ABCG2: variants seen among roughly 807,000 people sequenced by gnomAD.
ABCG2 encodes the protein broad substrate specificity ATP-binding cassette transporter ABCG2.
A neutral mutation model predicts 73.5 loss-of-function variants in ABCG2; 80 were observed. That is an observed-to-expected ratio of 1.09 (90% CI 0.91 to 1.31). The LOEUF is 1.31. Ranked by LOEUF, ABCG2 falls within the 50% of genes most tolerant of loss-of-function variation. The probability of loss-of-function intolerance (pLI) is 0.00; values close to 1 mark genes in which losing one functional copy is unlikely to be tolerated. For synonymous variants in ABCG2, 269 were observed against 282.4 expected, an observed-to-expected ratio of 0.95 and a Z score of 0.48; for missense variants, 796 against 786.2, an observed-to-expected ratio of 1.01 and a Z score of -0.15.
chr4:88,144,348 G>T (rs1322282312), intron 1 of ABCG2, among the ~76,000 whole-genome samples: 1 of 151,732 alleles, frequency 6.6e-6, no homozygotes, highest in Non-Finnish European at 1.5e-5. Context: ...TGCATATGGA[G>T]ATTCTTTCCC....
chr4:88,115,091 T>G, intron 7 of ABCG2, 33 bp from the exon 8 acceptor site: 1 of 1,466,644 alleles, frequency 6.8e-7, no homozygotes, highest in South Asian at 1.2e-5. Context: ...AACACAAACT[T>G]GATGGTCTTG....
At chr4:88,187,353 C>G (rs1334444761) in intron 1 of ABCG2, among the ~76,000 whole-genome samples, 4 of 152,034 alleles carry the variant, frequency 2.6e-5, no homozygotes, top group African/African-American at 9.7e-5. Flanking sequence ...TGGCTCATGC[C>G]TATAATCCCA....
intron 5 of ABCG2, among the ~76,000 whole-genome samples, chr4:88,130,344 C>T (rs140962332): frequency 6.6e-6 from 1 of 151,768 alleles, no homozygotes; most frequent in Non-Finnish European, 1.5e-5. Context: ...TTATGAGAAT[C>T]TAATGCCTGA....
intron 1 of ABCG2, among the ~76,000 whole-genome samples, chr4:88,223,283 G>T (rs778749810): frequency 1.3e-5 from 2 of 152,126 alleles, no homozygotes. Flanking sequence ...ATTTGGGAGG[G>T]TCAGGTGAGG....
rs769872004 is a variant in ABCG2 at position 88,114,940 on chromosome 4, G to A, written c.943+17C>T. On this transcript the variant is annotated intron_variant, in intron 8 of 15. Coordinates refer to ENST00000237612, the MANE Select transcript of ABCG2 (RefSeq NM_004827.3). ...TTCAATTAGGCAAAAATCTGGGACT[G>A]TAACAGATTCATATACCTTTAAAGT... is the stretch of plus-strand genomic sequence containing the variant. 1.3e-6 allele frequency: 2 copies of A among 1,569,052 alleles called. No homozygotes were observed. The highest frequency in any genetic ancestry group is 1.7e-6 in the Non-Finnish European group (2 of 1,143,138).
At chr4:88,224,856 T>C (rs1730145518) in intron 1 of ABCG2, among the ~76,000 whole-genome samples, 1 of 152,164 alleles carries the variant, frequency 6.6e-6, no homozygotes, top group Non-Finnish European at 1.5e-5. Flanking sequence ...CTTTGATAAT[T>C]TTTGTATAGG....
intron 1 of ABCG2, among the ~76,000 whole-genome samples, chr4:88,173,226 T>C (rs1727828184): frequency 6.6e-6 from 1 of 152,176 alleles, no homozygotes; most frequent in African/African-American, 2.4e-5. Context: ...TATGTATCAA[T>C]CTTCAACTAG....
intron 1 of ABCG2, among the ~76,000 whole-genome samples, chr4:88,146,252 G>A (rs1725987606): frequency 1.5e-5 from 2 of 137,850 alleles, no homozygotes; most frequent in South Asian, 2.3e-4. Context: ...CATCTCCCCT[G>A]TGGGTTCCCT....
chr4:88,180,669 C>A (rs988464697), intron 1 of ABCG2, among the ~76,000 whole-genome samples: 7 of 152,028 alleles, frequency 4.6e-5, no homozygotes, highest in African/African-American at 1.7e-4. Context: ...GGGGGGCTCA[C>A]TTTAGCCCAG....
intron 1 of ABCG2, among the ~76,000 whole-genome samples, chr4:88,170,959 T>C (rs571570223): frequency 6.6e-6 from 1 of 152,332 alleles, no homozygotes; most frequent in South Asian, 2.1e-4. Context: ...AATGAGATCA[T>C]GTCTTACAGG....
At chr4:88,121,820 T>C in intron 5 of ABCG2, 28 bp from the exon 6 acceptor site, 3 of 1,606,360 alleles carry the variant, frequency 1.9e-6, no homozygotes, top group Non-Finnish European at 2.6e-6. Context: ...TAATTGTCAA[T>C]GATAACAACC....
chr4:88,212,557 T>C (rs80176494), intron 1 of ABCG2, among the ~76,000 whole-genome samples: 1,629 of 152,304 alleles, frequency 0.011, 13 homozygotes, highest in South Asian at 0.035. Flanking sequence ...CTTGTAAGCA[T>C]AGTCTATCTT....
intron 1 of ABCG2, among the ~76,000 whole-genome samples, chr4:88,182,767 A>G (rs1487776484): frequency 6.6e-6 from 1 of 152,164 alleles, no homozygotes; most frequent in Non-Finnish European, 1.5e-5. Context: ...CTAACAGGGA[A>G]GTTTATATAT....
intron 1 of ABCG2, among the ~76,000 whole-genome samples, chr4:88,219,400 A>T (rs1729927140): frequency 6.6e-6 from 1 of 152,174 alleles, no homozygotes; most frequent in African/African-American, 2.4e-5. Flanking sequence ...TCAGACAGTG[A>T]TATGTTCTAC....
intron 7 of ABCG2, among the ~76,000 whole-genome samples, chr4:88,115,537 G>A (rs1239687972): frequency 6.7e-6 from 1 of 148,786 alleles, no homozygotes; most frequent in Non-Finnish European, 1.5e-5. Flanking sequence ...ACCCGCCTCG[G>A]CCTCCCAAAG....
chr4:88,128,278 G>T (rs1393321510), intron 5 of ABCG2, among the ~76,000 whole-genome samples: 1 of 152,214 alleles, frequency 6.6e-6, no homozygotes, highest in Non-Finnish European at 1.5e-5. Flanking sequence ...AACAACAGAT[G>T]CTGGAGAGGA....
intron 3 of ABCG2, 72 bp downstream of exon 3, chr4:88,132,504 C>T: frequency 6.7e-7 from 1 of 1,502,648 alleles, no homozygotes; most frequent in Non-Finnish European, 9.2e-7. Flanking sequence ...TGCTCGCACA[C>T]AAAAAAAAGT....
At chr4:88,208,815 A>C (rs1237601659) in intron 1 of ABCG2, among the ~76,000 whole-genome samples, 1 of 152,250 alleles carries the variant, frequency 6.6e-6, no homozygotes, top group Non-Finnish European at 1.5e-5. Flanking sequence ...CAAGTGTCCC[A>C]CTATTTTCTC....
At chr4:88,168,060 G>C (rs1444527995) in intron 1 of ABCG2, among the ~76,000 whole-genome samples, 2 of 142,016 alleles carry the variant, frequency 1.4e-5, no homozygotes, top group Non-Finnish European at 1.5e-5. Flanking sequence ...CACAGAGAGA[G>C]ACAGCATCGG....
Sources: gnomAD v4.1 joint callset for allele counts (sites outside exome capture counted in the v4.1 genomes callset) on GRCh38, gnomAD v4.1.1 for gene constraint, MANE v1.5 for transcripts, NCBI Gene and HGNC (gene_info 2026-07-23, HGNC 2026-07-21) for gene names.